The following INPP5B variants were observed in gnomAD, a reference collection of about 807,000 sequenced individuals.
The protein encoded by INPP5B is type II inositol 1,4,5-trisphosphate 5-phosphatase.
In INPP5B, 90 loss-of-function variants were observed where a neutral mutation model predicts 118.5. That is an observed-to-expected ratio of 0.76 (90% CI 0.64 to 0.90). The LOEUF is 0.90. Ranked by LOEUF, INPP5B falls within the 40% of genes least tolerant of loss-of-function variation. The pLI is 0.00. For synonymous variants in INPP5B, 385 were observed against 418.9 expected (o/e 0.92, Z 0.99); for missense variants, 984 against 1,125.6 (o/e 0.87, Z 1.80).
chr1:37,934,908 A>G (rs993388524), intron 6 of INPP5B, among the ~76,000 whole-genome samples: 1 of 150,578 alleles, frequency 6.6e-6, no homozygotes, highest in Non-Finnish European at 1.5e-5. Context: ...TTTTTTTAAG[A>G]TGGAGTCTTG....
At chr1:37,928,929 A>C (rs1201560862) in intron 7 of INPP5B, 2 of 152,104 alleles carry the variant, frequency 1.3e-5, no homozygotes, top group Non-Finnish European at 2.9e-5. Flanking sequence ...ATCCAGAGGC[A>C]GCCCAAAGGG....
At chr1:37,876,777 G>C (rs1229563720) in intron 16 of INPP5B, among the ~76,000 whole-genome samples, 5 of 151,850 alleles carry the variant, frequency 3.3e-5, no homozygotes, top group Non-Finnish European at 7.4e-5. Context: ...CTACTCGGGA[G>C]GCTGAGGCAG....
intron 7 of INPP5B, among the ~76,000 whole-genome samples, chr1:37,892,724 T>C (rs754059246): frequency 6.6e-5 from 10 of 152,206 alleles, no homozygotes; most frequent in Admixed American, 4.6e-4. Flanking sequence ...CCAAATGCTA[T>C]AGACTGATTA....
At chr1:37,873,391 A>C (rs1642591322) in intron 18 of INPP5B, 1 of 545,314 alleles carries the variant, frequency 1.8e-6, no homozygotes, top group African/African-American at 1.9e-5. Context: ...ATTTGAATAG[A>C]CAAATGCTAT....
intron 3 of INPP5B, 50 bp downstream of exon 3, chr1:37,945,706 G>T: frequency 2.9e-6 from 4 of 1,397,300 alleles, no homozygotes; most frequent in Non-Finnish European, 3.0e-6. Flanking sequence ...AGGGTGCAGT[G>T]ATGAACAACC....
intron 13 of INPP5B, among the ~76,000 whole-genome samples, chr1:37,884,521 G>A (rs1183429622): frequency 6.6e-6 from 1 of 151,806 alleles, no homozygotes; most frequent in Non-Finnish European, 1.5e-5. Flanking sequence ...GGGCTCAATC[G>A]ATCCCCCCAC....
At chr1:37,943,415 A>T (rs1430640595) in intron 5 of INPP5B, among the ~76,000 whole-genome samples, 2 of 152,070 alleles carry the variant, frequency 1.3e-5, no homozygotes, top group Non-Finnish European at 2.9e-5. Flanking sequence ...CAGCGTGTGC[A>T]GGGGCTCCGG....
chr1:37,931,626 C>G, intron 7 of INPP5B: 1 of 1,536,858 alleles, frequency 6.5e-7, no homozygotes, highest in Non-Finnish European at 8.7e-7. Flanking sequence ...GGCGCACCGC[C>G]GCCCCCGGCC....
chr1:37,926,784 A>G (rs905168108), intron 7 of INPP5B, among the ~76,000 whole-genome samples: 2 of 152,068 alleles, frequency 1.3e-5, no homozygotes, highest in Non-Finnish European at 2.9e-5. Context: ...CATTTTACAG[A>G]CTGACTTGGA....
chr1:37,877,148 C>T (rs927440904), intron 16 of INPP5B, among the ~76,000 whole-genome samples: 3 of 151,866 alleles, frequency 2.0e-5, no homozygotes, highest in Non-Finnish European at 4.4e-5. Flanking sequence ...AGGTGGATCA[C>T]GAGGGCAGGA....
At chr1:37,938,270 A>AAAAAAAAT (rs1645776223) in intron 6 of INPP5B, among the ~76,000 whole-genome samples, 1 of 118,750 alleles carries the variant, frequency 8.4e-6, no homozygotes, top group African/African-American at 2.7e-5. Context: ...CTCTGTCTCA[A>AAAAAAAAT]AAATAAATAA....
At position 37,866,443 on chromosome 1, in the gene INPP5B, A is replaced by ACACACACACACAC. The variant is rs755734420; in HGVS notation, c.2386+15_2386+16insGTGTGTGTGTGTG. On this transcript the variant is annotated intron_variant, in intron 21 of 23. Coordinates refer to ENST00000373024, the MANE Select transcript of INPP5B (RefSeq NM_005540.3). ...ACACACACACACACACACAGAGCTG[A>ACACACACACACAC]ATGTCTGAAGGATACAGAGGTTATC... The ACACACACACACAC allele has an allele frequency of 2.7e-6, 3 of 1,091,370 alleles. No homozygotes were observed. Among genetic ancestry groups the ACACACACACACAC allele is most frequent in the African/African-American group, 3.5e-5 (2 of 57,464 alleles). 67.6% of individuals were successfully genotyped at this position (1,091,370 alleles called of 1,614,324 possible).
intron 6 of INPP5B, among the ~76,000 whole-genome samples, chr1:37,933,904 TTTATTTATTTA>T (rs1645589742): frequency 9.2e-4 from 13 of 14,122 alleles, no homozygotes; most frequent in African/African-American, 5.2e-3. Context: ...TTTTATTTTA[TTTATTTATTTA>T]TTTATTTATT....
chr1:37,886,143 C>G (rs144331777), intron 12 of INPP5B, among the ~76,000 whole-genome samples: 1 of 151,944 alleles, frequency 6.6e-6, no homozygotes, highest in South Asian at 2.1e-4. Flanking sequence ...CGCCACTGCA[C>G]TCCAGCCTGG....
At chr1:37,888,176 G>C (rs1346797171) in intron 10 of INPP5B, 67 bp downstream of exon 10, 2 of 958,852 alleles carry the variant, frequency 2.1e-6, no homozygotes, top group Non-Finnish European at 2.9e-6. Context: ...CTGTTGTGAA[G>C]ACCCATCCTT....
rs544895059 is a variant in INPP5B, at chr1:37,940,802, C to A, written c.281-4G>T. ...AGCTGGACGGTCACATCTGAGCCTG[C>A]ACAAAGGAGGCAGGAAATGAACCCT... On this transcript the variant is annotated splice_polypyrimidine_tract_variant and splice_region_variant and intron_variant, in intron 5 of 23. Coordinates refer to ENST00000373024, the MANE Select transcript of INPP5B (RefSeq NM_005540.3). 6.2e-7 allele frequency: 1 copy of A among 1,604,972 alleles called. No homozygotes were observed. Among genetic ancestry groups the A allele is most frequent in the East Asian group, 2.2e-5 (1 of 44,794 alleles).
intron 6 of INPP5B, among the ~76,000 whole-genome samples, chr1:37,933,175 G>T (rs926587307): frequency 5.3e-5 from 8 of 152,090 alleles, no homozygotes; most frequent in Non-Finnish European, 8.8e-5. Context: ...ACTTGGCCTC[G>T]TCTGATCCTC....
intron 7 of INPP5B, among the ~76,000 whole-genome samples, chr1:37,924,411 C>T (rs949215889): frequency 1.3e-5 from 2 of 151,544 alleles, no homozygotes; most frequent in Non-Finnish European, 2.9e-5. Flanking sequence ...TCAAGTGACC[C>T]GCCCACCTCA....
chr1:37,946,224 A>G (rs1330796581), intron 2 of INPP5B, 28 bp downstream of exon 2: 2 of 1,599,564 alleles, frequency 1.3e-6, no homozygotes. Context: ...GGGCAGGCTC[A>G]GGGCCGCAGT....
Sources: allele counts gnomAD v4.1 joint callset (sites outside exome capture counted in the v4.1 genomes callset), GRCh38; gene constraint gnomAD v4.1.1; transcripts MANE v1.5; gene names NCBI Gene and HGNC (gene_info 2026-07-23, HGNC 2026-07-21).